Variants in ERBB4 observed in about 807,000 individuals in gnomAD.
ERBB4 encodes erb-b2 receptor tyrosine kinase 4, also known as receptor tyrosine-protein kinase erbB-4.
ERBB4 carries 42 observed loss-of-function variants against 158.0 expected under a neutral mutation model. That is an observed-to-expected ratio of 0.27 (90% confidence interval 0.21 to 0.34). The LOEUF (loss-of-function observed/expected upper bound fraction) is 0.34, where lower values mean the gene tolerates loss of function less well. Among genes scored for constraint, ERBB4 ranks in the 10% least tolerant of loss-of-function variants. ERBB4 has a pLI of 1.00. For synonymous variants in ERBB4, 583 were observed against 558.7 expected, an observed-to-expected ratio of 1.04 and a Z score of -0.61; for missense variants, 1,333 against 1,624.1, an observed-to-expected ratio of 0.82 and a Z score of 3.08.
At chr2:211,716,907 C>T (rs1222085355) in intron 7 of ERBB4, among the ~76,000 whole-genome samples, 1 of 152,150 alleles carries the variant, frequency 6.6e-6, no homozygotes, top group African/African-American at 2.4e-5. Flanking sequence ...TAAGTTACCA[C>T]ATTTAAAGTA....
intron 1 of ERBB4, among the ~76,000 whole-genome samples, chr2:212,150,578 T>C (rs1295530493): frequency 6.6e-6 from 1 of 152,128 alleles, no homozygotes; most frequent in Non-Finnish European, 1.5e-5. Flanking sequence ...CCTTACTTCC[T>C]TCCCCCAAGA....
chr2:212,346,732 A>C (rs768322937), intron 1 of ERBB4, among the ~76,000 whole-genome samples: 28 of 152,102 alleles, frequency 1.8e-4, no homozygotes, highest in Non-Finnish European at 3.5e-4. Context: ...TTCTAGATCT[A>C]TCACACAATA....
chr2:211,484,775 A>G (rs1485619390), intron 20 of ERBB4, among the ~76,000 whole-genome samples: 3 of 152,104 alleles, frequency 2.0e-5, no homozygotes, highest in African/African-American at 7.3e-5. Context: ...TTCAACATCT[A>G]TCTGTCAATA....
At chr2:211,919,579 A>G (rs940348937) in intron 3 of ERBB4, among the ~76,000 whole-genome samples, 1 of 151,990 alleles carries the variant, frequency 6.6e-6, no homozygotes, top group African/African-American at 2.4e-5. Context: ...GTCTTATGGT[A>G]TTTATCCTTT....
At chr2:211,964,910 G>A (rs1411101316) in intron 2 of ERBB4, among the ~76,000 whole-genome samples, 1 of 151,960 alleles carries the variant, frequency 6.6e-6, no homozygotes, top group Non-Finnish European at 1.5e-5. Flanking sequence ...TACTATATAG[G>A]TGGCACTGTG....
chr2:211,607,909 T>C (rs2069048820), intron 19 of ERBB4, among the ~76,000 whole-genome samples: 1 of 141,520 alleles, frequency 7.1e-6, no homozygotes, highest in African/African-American at 2.6e-5. Context: ...TCACTCTGTC[T>C]CCCAGGCTGG....
At chr2:212,287,031 T>C (rs1204467374) in intron 1 of ERBB4, among the ~76,000 whole-genome samples, 1 of 151,464 alleles carries the variant, frequency 6.6e-6, no homozygotes, top group East Asian at 1.9e-4. Flanking sequence ...CAAGTAACCA[T>C]AAACAACGCG....
chr2:211,619,263 G>A lies in ERBB4; in HGVS notation c.2215C>T (p.Pro739Ser), dbSNP rs1345476204. ...FGTVYKGIWVPEGETVKIPVA... is the reference protein window; with the variant it reads ...FGTVYKGIWVSEGETVKIPVA... ...GGAATCTTCACAGTTTCTCCTTCAGGTACCCAAATACCCTTTGGGGAAAAA... is the reference window on the plus strand; with the variant it reads ...GGAATCTTCACAGTTTCTCCTTCAGATACCCAAATACCCTTTGGGGAAAAA... The change falls in exon 19 of 28, where the codon CCT (proline) becomes TCT (serine). Residue 739 changes from proline (P) to serine (S), a missense_variant. Coordinates refer to ENST00000342788, the MANE Select transcript of ERBB4 (RefSeq NM_005235.3). 1.2e-6 allele frequency: 2 copies of A among 1,606,544 alleles called. No homozygotes were observed. The highest frequency in any genetic ancestry group is 2.2e-5 in the South Asian group (2 of 90,944).
In ERBB4 at chr2:211,605,012, G is replaced by T. The variant is rs775115747; in HGVS notation, c.2301+14165C>A. 2.6e-5 allele frequency among the ~76,000 whole-genome samples: 4 copies of T among 152,270 alleles called. No homozygotes were observed. The South Asian group carries it at 6.2e-4, about 24-fold the overall frequency. ...ATTATAAAAAGTTGGCACTAATTAT[G>T]TAAGTCTTTCTGCTAACTTATAGTT... is the stretch of plus-strand genomic sequence containing the variant. On this transcript the variant is annotated intron_variant, in intron 19 of 27. Transcript: ENST00000342788.
chr2:211,894,184 G>C (rs2079042631), intron 3 of ERBB4, among the ~76,000 whole-genome samples: 1 of 111,872 alleles, frequency 8.9e-6, no homozygotes, highest in Non-Finnish European at 1.8e-5. Flanking sequence ...ATGATAGACT[G>C]GATTAAGAAA....
At chr2:212,521,303 A>G (rs1692146542) in intron 1 of ERBB4, among the ~76,000 whole-genome samples, 2 of 151,862 alleles carry the variant, frequency 1.3e-5, no homozygotes, top group South Asian at 2.1e-4. Context: ...CAAAACTATA[A>G]AAACAGAATA....
rs1034048669 is a variant in ERBB4, at chr2:212,445,430, C to T, written c.82+93019G>A. On this transcript the variant is annotated intron_variant, in intron 1 of 27. Coordinates refer to ENST00000342788, the MANE Select transcript of ERBB4 (RefSeq NM_005235.3). ...CTTCGATCCAGAGGGAGGAATGCTG[C>T]CACCAGGAGACACAACAATGATTCA... is the stretch of plus-strand genomic sequence containing the variant. Among the ~76,000 whole-genome samples, 17 of 152,068 alleles carry T rather than the reference C, an allele frequency of 1.1e-4. No individual in the cohort carries two copies. The South Asian group carries it at 1.2e-3, about 11-fold the overall frequency.
chr2:211,376,703 A>ATGTT lies in ERBB4; in HGVS notation c.*6908_*6911dup, dbSNP rs1208219942. On this transcript the variant is annotated 3_prime_UTR_variant, in exon 28 of 28. Coordinates refer to ENST00000342788, the MANE Select transcript of ERBB4 (RefSeq NM_005235.3). Reference sequence around the variant, plus strand: ...TTACTTTGATGCATGTATAAGATGAATGTTTGAGAGTAGATTTAAGATGAC... The same window carrying ATGTT: ...TTACTTTGATGCATGTATAAGATGAATGTTTGTTTGAGAGTAGATTTAAGATGAC... 4.3e-6 allele frequency: 1 copy of ATGTT among 233,014 alleles called. No individual in the cohort carries two copies. Among genetic ancestry groups the ATGTT allele is most frequent in the African/African-American group, 2.2e-5 (1 of 45,314 alleles). 14.4% of individuals were successfully genotyped at this position (233,014 alleles called of 1,614,324 possible).
chr2:211,881,325 C>A (rs1455525862), intron 3 of ERBB4, among the ~76,000 whole-genome samples: 1 of 152,110 alleles, frequency 6.6e-6, no homozygotes, highest in Non-Finnish European at 1.5e-5. Context: ...GGCAGTTTCC[C>A]TTTTAACAAA....
chr2:211,946,510 T>C (rs907623840), intron 3 of ERBB4, among the ~76,000 whole-genome samples: 1 of 150,532 alleles, frequency 6.6e-6, no homozygotes, highest in Non-Finnish European at 1.5e-5. Context: ...TTTTAATTTA[T>C]AGTAAATTAA....
chr2:212,008,627 A>G (rs2076310997), intron 2 of ERBB4, among the ~76,000 whole-genome samples: 1 of 152,134 alleles, frequency 6.6e-6, no homozygotes, highest in African/African-American at 2.4e-5. Context: ...TACTCTATTC[A>G]TAAAACCACA....
At chr2:211,625,399 A>AT (rs932565872) in intron 17 of ERBB4, among the ~76,000 whole-genome samples, 21 of 152,272 alleles carry the variant, frequency 1.4e-4, no homozygotes, top group African/African-American at 5.1e-4. Context: ...GGCCTACTTA[A>AT]TTAGTGGAAG....
chr2:212,358,040 T>A (rs1423064598), intron 1 of ERBB4, among the ~76,000 whole-genome samples: 1 of 151,886 alleles, frequency 6.6e-6, no homozygotes, highest in Admixed American at 6.6e-5. Flanking sequence ...CTAAATGACT[T>A]CCCATAGATG....
At chr2:211,782,052 T>C (rs1559514167) in intron 4 of ERBB4, among the ~76,000 whole-genome samples, 1 of 152,164 alleles carries the variant, frequency 6.6e-6, no homozygotes, top group Non-Finnish European at 1.5e-5. Flanking sequence ...GCGGTTTTCC[T>C]TAGGTGCTTT....
Sources: gnomAD v4.1 joint callset for allele counts (sites outside exome capture counted in the v4.1 genomes callset) on GRCh38, gnomAD v4.1.1 for gene constraint, MANE v1.5 for transcripts, NCBI Gene and HGNC (gene_info 2026-07-23, HGNC 2026-07-21) for gene names.